SSX2IP: variants seen among roughly 807,000 people sequenced by gnomAD.
SSX2IP encodes the protein afadin- and alpha-actinin-binding protein.
SSX2IP carries 55 observed loss-of-function variants against 84.9 expected under a neutral mutation model. That is an observed-to-expected ratio of 0.65 (90% CI 0.52 to 0.81). The LOEUF (loss-of-function observed/expected upper bound fraction) is 0.81. Among genes scored for constraint, SSX2IP ranks in the 30% least tolerant of loss-of-function variants. The pLI is 0.00. For synonymous variants in SSX2IP, 239 were observed against 234.7 expected (o/e 1.02, Z -0.17); for missense variants, 664 against 705.2 (o/e 0.94, Z 0.66).
chr1:84,660,743 C>G (rs974645966), intron 8 of SSX2IP, among the ~76,000 whole-genome samples: 2 of 149,934 alleles, frequency 1.3e-5, no homozygotes, highest in African/African-American at 2.5e-5. Flanking sequence ...CCAGCCTGGG[C>G]AACAAGAGCA....
intron 6 of SSX2IP, 47 bp from the exon 7 acceptor site, chr1:84,662,577 G>GC (rs1476106338): frequency 1.3e-6 from 2 of 1,595,632 alleles, no homozygotes; most frequent in African/African-American, 2.7e-5. Context: ...ACATGCTTAA[G>GC]CATCTAAAAC....
In SSX2IP at chr1:84,646,234, A is replaced by G. The variant is rs995818014; in HGVS notation, c.*1199T>C. On this transcript the variant is annotated 3_prime_UTR_variant, in exon 14 of 14. Coordinates refer to ENST00000342203, the MANE Select transcript of SSX2IP (RefSeq NM_001166293.2). ...CTTTTTGATGAAAATCCTGGGAAAG[A>G]GCTGAGCCTACATTTATTATTATTA... is the stretch of plus-strand genomic sequence containing the variant. 6.6e-6 allele frequency: 1 copy of G among 152,556 alleles called. No individual in the cohort carries two copies. Among genetic ancestry groups the G allele is most frequent in the Non-Finnish European group, 1.5e-5 (1 of 68,018 alleles). The allele number at this position is 152,556 out of a possible 1,614,324, so 9.5% of individuals were successfully genotyped here.
rs777935080 is a variant in SSX2IP, at chr1:84,647,537, G to T, written c.1741C>A (p.Gln581Lys). The T allele has an allele frequency of 8.1e-6, 13 of 1,613,290 alleles. No individual in the cohort carries two copies. Among genetic ancestry groups the T allele is most frequent in the African/African-American group, 4.0e-5 (3 of 74,864 alleles). Residue 581 changes from glutamine (Q) to lysine (K), a missense_variant, in exon 14 of 14, where the codon CAA (glutamine) becomes AAA (lysine). Transcript: ENST00000342203. ...GGTCTTGATGCCACACTCCATTTTT[G>T]ATTTGTACATTCTCCTCCAACCTGA... ...PNQVGGECTNQKWSVASRPGS... is the reference protein window; with the variant it reads ...PNQVGGECTNKKWSVASRPGS...
rs1375700687 is a variant in SSX2IP, at chr1:84,662,535, A to C, written c.674-5T>G. The C allele has an allele frequency of 1.2e-6, 2 of 1,613,528 alleles. No individual in the cohort carries two copies. ...CATAATTCAAAATGTCCATAGCTAC[A>C]AACATGAACACATAAAATTAATTCT... On this transcript the variant is annotated splice_polypyrimidine_tract_variant and splice_region_variant and intron_variant, in intron 6 of 13. Transcript: ENST00000342203.
At chr1:84,678,088 T>C (rs1654615030) in intron 1 of SSX2IP, among the ~76,000 whole-genome samples, 1 of 152,222 alleles carries the variant, frequency 6.6e-6, no homozygotes, top group Non-Finnish European at 1.5e-5. Flanking sequence ...CATAATTTAC[T>C]GAAACATAAC....
intron 10 of SSX2IP, 146 bp downstream of exon 10, chr1:84,656,202 A>G: frequency 3.2e-6 from 3 of 932,644 alleles, no homozygotes; most frequent in Non-Finnish European, 4.7e-6. Flanking sequence ...AAGGAGTGGT[A>G]CACAATGTAT....
chr1:84,674,507 C>A (rs760721800), intron 1 of SSX2IP, among the ~76,000 whole-genome samples: 8 of 152,150 alleles, frequency 5.3e-5, no homozygotes, highest in Non-Finnish European at 1.0e-4. Flanking sequence ...CAGTAATAGG[C>A]ACCTTTCCAA....
chr1:84,668,753 GTTTT>G (rs199524987), intron 4 of SSX2IP, among the ~76,000 whole-genome samples: 3 of 151,548 alleles, frequency 2.0e-5, no homozygotes, highest in African/African-American at 4.9e-5. Context: ...TTCTGAGTGG[GTTTT>G]TTTTATTGTT....
chr1:84,649,273 C>T (rs886369714), intron 13 of SSX2IP, among the ~76,000 whole-genome samples: 1 of 152,114 alleles, frequency 6.6e-6, no homozygotes, highest in African/African-American at 2.4e-5. Context: ...ACTTTTACAT[C>T]TCTCCATCCT....
intron 1 of SSX2IP, among the ~76,000 whole-genome samples, chr1:84,675,431 T>C (rs1306284236): frequency 6.6e-6 from 1 of 152,174 alleles, no homozygotes; most frequent in Non-Finnish European, 1.5e-5. Flanking sequence ...GACCCTGAAA[T>C]CACTAAGCCA....
At chr1:84,662,658 G>C in intron 6 of SSX2IP, 128 bp from the exon 7 acceptor site, 1 of 933,176 alleles carries the variant, frequency 1.1e-6, no homozygotes, top group East Asian at 2.8e-5. Flanking sequence ...GGCTTAAACA[G>C]CCTAATTTTC....
Position 84,664,453 on chromosome 1 carries a change from G to A in SSX2IP, c.637C>T (p.His213Tyr). 1.2e-6 allele frequency: 2 copies of A among 1,601,896 alleles called. No homozygotes were observed. The highest frequency in any genetic ancestry group is 1.7e-6 in the Non-Finnish European group (2 of 1,175,850). Reference sequence around the variant, plus strand: ...TCTTTCTTGTTCATAACAAGTTGATGTAGACGTTCCTTCAGTTTATTATAT... The same window carrying A: ...TCTTTCTTGTTCATAACAAGTTGATATAGACGTTCCTTCAGTTTATTATAT... The part of the protein sequence containing the change: ...REYNKLKERL[H>Y]QLVMNKKDKK... Residue 213 changes from histidine to tyrosine, a missense_variant, in exon 6 of 14, where the codon CAT (histidine) becomes TAT (tyrosine). Transcript: ENST00000342203.
chr1:84,668,325 T>C (rs1319591238), intron 4 of SSX2IP, among the ~76,000 whole-genome samples: 4 of 152,182 alleles, frequency 2.6e-5, no homozygotes, highest in Non-Finnish European at 4.4e-5. Context: ...TAGGTCTCTC[T>C]GATCTGGATT....
At chr1:84,647,720 T>A in intron 13 of SSX2IP, 113 bp from the exon 14 acceptor site, 5 of 767,204 alleles carry the variant, frequency 6.5e-6, no homozygotes, top group Non-Finnish European at 9.0e-6. Flanking sequence ...TCTAAAAATC[T>A]AGGCCAAAAA....
chr1:84,677,769 C>G (rs550835604), intron 1 of SSX2IP, among the ~76,000 whole-genome samples: 1 of 152,282 alleles, frequency 6.6e-6, no homozygotes, highest in African/African-American at 2.4e-5. Context: ...CGTCTGAGGT[C>G]AGCAGGATCT....
In SSX2IP at chr1:84,658,410, A is replaced by G. The variant is rs1239651479; in HGVS notation, c.986T>C (p.Leu329Pro). Reference sequence around the variant, plus strand: ...CTGCTCTCTCACAGTTTCACAGGAAAGGTCCCACATACTCTCTCTGCTTAG... The same window carrying G: ...CTGCTCTCTCACAGTTTCACAGGAAGGGTCCCACATACTCTCTCTGCTTAG... ...GELSRESMWD[L>P]SCETVREQLT... Residue 329 changes from leucine (L) to proline (P), a missense_variant, in exon 9 of 14, where the codon CTT becomes CCT. Physicochemically the swap from Leu to Pro is moderately conservative, Grantham distance 98. Transcript: ENST00000342203. 2 of 1,614,156 alleles carry G rather than the reference A, an allele frequency of 1.2e-6. No individual in the cohort carries two copies. Among genetic ancestry groups the G allele is most frequent in the Non-Finnish European group, 1.7e-6 (2 of 1,180,026 alleles).
intron 1 of SSX2IP, among the ~76,000 whole-genome samples, chr1:84,679,730 T>C (rs1654824013): frequency 6.6e-6 from 1 of 152,212 alleles, no homozygotes; most frequent in Non-Finnish European, 1.5e-5. Context: ...AACTAGGACA[T>C]AGGGTACTGG....
rs1651130759 is a variant in SSX2IP, at chr1:84,656,407, G to A, written c.1156C>T (p.Leu386Phe). ...RQDHEQETEK[L>F]ELEIQQCKEM... is the part of the protein sequence containing the mutation. ...TTACACTGCTGAATTTCTAACTCGA[G>A]TTTTTCAGTTTCTTGTTCATGGTCT... The change falls in exon 10 of 14, where the codon CTC becomes TTC. Residue 386 changes from leucine to phenylalanine, a missense_variant. Physicochemically the swap from Leu to Phe is conservative, Grantham distance 22. Coordinates refer to ENST00000342203, the MANE Select transcript of SSX2IP (RefSeq NM_001166293.2). 1 of 1,613,434 alleles carries A rather than the reference G, an allele frequency of 6.2e-7. No homozygotes were observed. The highest frequency in any genetic ancestry group is 8.5e-7 in the Non-Finnish European group (1 of 1,179,706).
At chr1:84,685,665 T>C (rs1437295444) in intron 1 of SSX2IP, among the ~76,000 whole-genome samples, 1 of 152,232 alleles carries the variant, frequency 6.6e-6, no homozygotes, top group Non-Finnish European at 1.5e-5. Flanking sequence ...CCTGGTTTCC[T>C]CCTGACATTC....
Sources: allele counts gnomAD v4.1 joint callset (sites outside exome capture counted in the v4.1 genomes callset), GRCh38; gene constraint gnomAD v4.1.1; transcripts MANE v1.5; gene names NCBI Gene and HGNC (gene_info 2026-07-23, HGNC 2026-07-21).